The following ANXA8 variants were observed in gnomAD, a reference collection of about 807,000 sequenced individuals.
The protein encoded by ANXA8 is VAC-beta.
A neutral mutation model predicts 26.8 loss-of-function variants in ANXA8; 9 were observed. The observed-to-expected ratio is 0.34, with a 90% CI of 0.20 to 0.59. The LOEUF (loss-of-function observed/expected upper bound fraction) is 0.59. Ranked by LOEUF, ANXA8 falls within the 20% of genes least tolerant of loss-of-function variation. The pLI is 0.84. For synonymous variants in ANXA8, 39 were observed against 94.8 expected (o/e 0.41, Z 3.42); for missense variants, 83 against 238.5 (o/e 0.35, Z 4.29).
chr10:47,743,302 A>ATATATACATATATATATACC, the ANXA8 span, among the ~76,000 whole-genome samples: 1 of 43,012 alleles, frequency 2.3e-5, no homozygotes, highest in Non-Finnish European at 5.4e-5. Flanking sequence ...ATACACATAT[A>ATATATACATATATATATACC]TATATATATA....
upstream of ANXA8, among the ~76,000 whole-genome samples, chr10:47,485,592 C>A (rs1377575981): frequency 6.6e-6 from 1 of 151,960 alleles, no homozygotes; most frequent in Non-Finnish European, 1.5e-5. Context: ...ACCTTTTTTT[C>A]TCATTTCTGC....
chr10:47,517,285 T>TTC, the ANXA8 span, among the ~76,000 whole-genome samples: 1 of 111,796 alleles, frequency 8.9e-6, no homozygotes, highest in Non-Finnish European at 1.8e-5. Flanking sequence ...TTTTTTTTTT[T>TTC]TTTTTGAGAC....
At chr10:47,678,559 GA>G in the ANXA8 span, among the ~76,000 whole-genome samples, 1 of 151,218 alleles carries the variant, frequency 6.6e-6, no homozygotes, top group Non-Finnish European at 1.5e-5. Flanking sequence ...AGACACTGCG[GA>G]AAAAAAGATC....
chr10:47,595,812 T>C, the ANXA8 span, among the ~76,000 whole-genome samples: 1 of 148,308 alleles, frequency 6.7e-6, no homozygotes, highest in Non-Finnish European at 1.5e-5. Context: ...CAGTAATAAC[T>C]GGGAACTTCA....
At chr10:47,753,122 A>T in the ANXA8 span, 69 of 561,732 alleles carry the variant, frequency 1.2e-4, no homozygotes, top group East Asian at 3.0e-4. Flanking sequence ...AAATTAAAAT[A>T]AAAAAAAAAA....
the ANXA8 span, among the ~76,000 whole-genome samples, chr10:47,967,874 C>T: frequency 1.6e-5 from 2 of 127,686 alleles, no homozygotes; most frequent in African/African-American, 5.3e-5. Flanking sequence ...ACCAAGATAG[C>T]TTCAGAGTAA....
At chr10:47,680,688 A>G in the ANXA8 span, among the ~76,000 whole-genome samples, 13 of 152,072 alleles carry the variant, frequency 8.5e-5, no homozygotes, top group Non-Finnish European at 1.8e-4. Flanking sequence ...ACAATATGAC[A>G]GTTTAAAAAA....
the ANXA8 span, among the ~76,000 whole-genome samples, chr10:47,675,544 A>G: frequency 6.6e-6 from 1 of 151,900 alleles, no homozygotes; most frequent in Non-Finnish European, 1.5e-5. Context: ...ATTAATGTTA[A>G]ATTAAAGCTG....
chr10:47,651,085 G>T, the ANXA8 span, among the ~76,000 whole-genome samples: 1 of 151,492 alleles, frequency 6.6e-6, no homozygotes, highest in Non-Finnish European at 1.5e-5. Flanking sequence ...TGTAGTTCCA[G>T]CTAGTCGAGA....
At chr10:47,646,228 T>A in the ANXA8 span, among the ~76,000 whole-genome samples, 4 of 135,566 alleles carry the variant, frequency 3.0e-5, no homozygotes, top group Non-Finnish European at 6.1e-5. Context: ...AATATAGTCC[T>A]TATCTTACAA....
chr10:47,952,873 G>A, the ANXA8 span, among the ~76,000 whole-genome samples: 1 of 148,532 alleles, frequency 6.7e-6, no homozygotes, highest in Non-Finnish European at 1.5e-5. Flanking sequence ...AAAGTAATTT[G>A]ATGGGGAAAA....
chr10:47,625,667 T>C, the ANXA8 span, among the ~76,000 whole-genome samples: 1 of 152,156 alleles, frequency 6.6e-6, no homozygotes, highest in Non-Finnish European at 1.5e-5. Context: ...ATCAGGTACA[T>C]GAGCCCGAAT....
the ANXA8 span, among the ~76,000 whole-genome samples, chr10:47,511,414 G>C: frequency 7.3e-6 from 1 of 136,544 alleles, no homozygotes; most frequent in African/African-American, 2.7e-5. Context: ...GGGGCTCTGT[G>C]TGCCAGGGCT....
chr10:47,491,752 T>A, the ANXA8 span: 1 of 1,545,790 alleles, frequency 6.5e-7, no homozygotes, highest in Non-Finnish European at 8.7e-7. Context: ...CTGGTGCCTA[T>A]CTAGGCTCTG....
At chr10:47,742,837 A>AGGGG in the ANXA8 span, among the ~76,000 whole-genome samples, 4 of 137,670 alleles carry the variant, frequency 2.9e-5, no homozygotes, top group African/African-American at 1.1e-4. Flanking sequence ...TAAAGATGTC[A>AGGGG]ATTCTCCCCT....
At chr10:47,610,812 T>C in the ANXA8 span, among the ~76,000 whole-genome samples, 1 of 121,118 alleles carries the variant, frequency 8.3e-6, no homozygotes, top group South Asian at 3.0e-4. Flanking sequence ...TGCAAGAGCA[T>C]AGGAGAAAGT....
At chr10:47,946,199 C>T in the ANXA8 span, among the ~76,000 whole-genome samples, 1 of 148,210 alleles carries the variant, frequency 6.7e-6, no homozygotes, top group East Asian at 2.1e-4. Context: ...TATTTGAATG[C>T]TATCCATCCT....
chr10:47,555,606 C>T, the ANXA8 span, among the ~76,000 whole-genome samples: 2 of 152,006 alleles, frequency 1.3e-5, no homozygotes, highest in African/African-American at 4.8e-5. Flanking sequence ...CTAACCTGAA[C>T]TCCAGCTGCC....
At chr10:47,733,306 T>C in the ANXA8 span, among the ~76,000 whole-genome samples, 9 of 126,672 alleles carry the variant, frequency 7.1e-5, no homozygotes, top group African/African-American at 3.1e-4. Flanking sequence ...TTTTTTTTCT[T>C]TCTCTCTCCC....
Sources: gnomAD v4.1 joint callset for allele counts (sites outside exome capture counted in the v4.1 genomes callset) on GRCh38, gnomAD v4.1.1 for gene constraint, MANE v1.5 for transcripts, NCBI Gene and HGNC (gene_info 2026-07-23, HGNC 2026-07-21) for gene names.